Variants in TPST1 observed in about 807,000 individuals in gnomAD.
The protein encoded by TPST1 is protein-tyrosine sulfotransferase 1.
Under a neutral mutation model 34.8 loss-of-function variants are expected in TPST1, and 20 were observed. The observed-to-expected ratio is 0.57, with a 90% CI of 0.40 to 0.84. TPST1 has a LOEUF of 0.84. TPST1 is among the 40% of genes least tolerant of loss of function. The pLI, the probability that TPST1 is intolerant of heterozygous loss-of-function variation, is 0.00. For missense variants in TPST1, 353 were observed against 455.5 expected (o/e 0.78, Z 2.05); for synonymous variants, 152 against 159.4 (o/e 0.95, Z 0.35).
At chr7:66,319,883 C>G (rs1413100200) in intron 3 of TPST1, among the ~76,000 whole-genome samples, 1 of 152,146 alleles carries the variant, frequency 6.6e-6, no homozygotes, top group African/African-American at 2.4e-5. Flanking sequence ...ATTTTTCTTT[C>G]CAGGGAGGCA....
chr7:66,255,870 G>C (rs76105961), intron 2 of TPST1, among the ~76,000 whole-genome samples: 1 of 151,772 alleles, frequency 6.6e-6, no homozygotes, highest in African/African-American at 2.4e-5. Flanking sequence ...CTAGATTTAA[G>C]TAAGAATGTG....
chr7:66,286,497 T>G lies in TPST1; in HGVS notation c.846-14T>G. On this transcript the variant is annotated splice_polypyrimidine_tract_variant and intron_variant, in intron 2 of 5. Transcript: ENST00000304842. Reference sequence around the variant, plus strand: ...ATTTTAAATAAATATTTATTCATATTATGTTGTTTTCAGAGTGGAGAGATC... The same window carrying G: ...ATTTTAAATAAATATTTATTCATATGATGTTGTTTTCAGAGTGGAGAGATC... 2.0e-6 allele frequency: 3 copies of G among 1,534,662 alleles called. No homozygotes were observed. The highest frequency in any genetic ancestry group is 2.6e-6 in the Non-Finnish European group (3 of 1,141,410).
chr7:66,200,062 A>AC, the TPST1 span, among the ~76,000 whole-genome samples: 1 of 151,658 alleles, frequency 6.6e-6, no homozygotes, highest in Non-Finnish European at 1.5e-5. Context: ...CAATCCAACA[A>AC]CCCCCAAAGG....
At chr7:66,265,917 G>C (rs1210243443) in intron 2 of TPST1, among the ~76,000 whole-genome samples, 3 of 152,154 alleles carry the variant, frequency 2.0e-5, no homozygotes, top group Non-Finnish European at 4.4e-5. Context: ...AGAAATGAAA[G>C]AGAAAGAAGA....
At chr7:66,314,919 G>A (rs1450247680) in intron 3 of TPST1, among the ~76,000 whole-genome samples, 1 of 152,212 alleles carries the variant, frequency 6.6e-6, no homozygotes, top group African/African-American at 2.4e-5. Flanking sequence ...GCACATGGCT[G>A]TATCTTGCTT....
At chr7:66,359,729 C>A (rs1360902656) in intron 5 of TPST1, among the ~76,000 whole-genome samples, 166 bp from the exon 6 acceptor site, 11 of 152,176 alleles carry the variant, frequency 7.2e-5, no homozygotes, top group Admixed American at 7.2e-4. Flanking sequence ...AGGCAGTCTT[C>A]CTGAGGCAGC....
At chr7:66,278,797 CAA>C (rs74352232) in intron 2 of TPST1, among the ~76,000 whole-genome samples, 2 of 122,474 alleles carry the variant, frequency 1.6e-5, no homozygotes. Context: ...GATTCCGTCT[CAA>C]AAAAAAAAAA....
chr7:66,229,556 C>T (rs1467832845), intron 1 of TPST1, among the ~76,000 whole-genome samples: 1 of 152,172 alleles, frequency 6.6e-6, no homozygotes, highest in Non-Finnish European at 1.5e-5. Context: ...TGGATAATTT[C>T]CAGATTTTGG....
intron 3 of TPST1, among the ~76,000 whole-genome samples, chr7:66,319,250 A>G (rs985908019): frequency 6.6e-6 from 1 of 152,108 alleles, no homozygotes; most frequent in Non-Finnish European, 1.5e-5. Flanking sequence ...CAACTCTTTC[A>G]TGTTTTCTGC....
intron 1 of TPST1, among the ~76,000 whole-genome samples, chr7:66,222,310 C>T (rs540328791): frequency 1.5e-3 from 228 of 151,272 alleles, no homozygotes; most frequent in Non-Finnish European, 1.9e-3. Flanking sequence ...GCATGAACCC[C>T]GGGAGGTGGA....
intron 2 of TPST1, among the ~76,000 whole-genome samples, chr7:66,251,586 C>T (rs557187509): frequency 6.6e-6 from 1 of 152,278 alleles, no homozygotes; most frequent in Admixed American, 6.5e-5. Context: ...AAAGTAAGCA[C>T]CCGATTTGAA....
chr7:66,353,531 C>T (rs1231800359), intron 4 of TPST1, among the ~76,000 whole-genome samples: 3 of 152,210 alleles, frequency 2.0e-5, no homozygotes, highest in Non-Finnish European at 4.4e-5. Flanking sequence ...CACTGACTTG[C>T]ATTCCAATCC....
At chr7:66,299,922 A>C (rs1359787128) in intron 3 of TPST1, among the ~76,000 whole-genome samples, 1 of 152,238 alleles carries the variant, frequency 6.6e-6, no homozygotes, top group African/African-American at 2.4e-5. Context: ...AAATAAAGTG[A>C]ATATCCCAAT....
chr7:66,305,108 C>T (rs978744608), intron 3 of TPST1, among the ~76,000 whole-genome samples: 3 of 152,074 alleles, frequency 2.0e-5, no homozygotes, highest in Admixed American at 1.3e-4. Context: ...CATGAACCAC[C>T]GTGCCCAGCC....
At chr7:66,236,747 A>T (rs1171510303) in intron 1 of TPST1, among the ~76,000 whole-genome samples, 1 of 152,210 alleles carries the variant, frequency 6.6e-6, no homozygotes, top group Non-Finnish European at 1.5e-5. Flanking sequence ...AGGTTTTGGA[A>T]GTTCACATAC....
intron 3 of TPST1, among the ~76,000 whole-genome samples, chr7:66,335,144 C>T (rs891343520): frequency 1.3e-5 from 2 of 152,080 alleles, no homozygotes; most frequent in African/African-American, 4.8e-5. Flanking sequence ...GGAACCTTCC[C>T]GTGGCCCAGA....
At chr7:66,357,861 A>G (rs1399515216) in intron 5 of TPST1, among the ~76,000 whole-genome samples, 3 of 152,162 alleles carry the variant, frequency 2.0e-5, no homozygotes, top group Admixed American at 1.3e-4. Flanking sequence ...CAAGGTGGGC[A>G]GATCACAAGG....
At chr7:66,256,715 C>T (rs1053564613) in intron 2 of TPST1, among the ~76,000 whole-genome samples, 1 of 152,138 alleles carries the variant, frequency 6.6e-6, no homozygotes, top group Admixed American at 6.5e-5. Flanking sequence ...ATCAAGTAGA[C>T]GGGATTACAC....
chr7:66,328,858 C>T (rs892751324), intron 3 of TPST1, among the ~76,000 whole-genome samples: 1 of 43,676 alleles, frequency 2.3e-5, no homozygotes, highest in East Asian at 5.0e-4. Flanking sequence ...CTCTCTCTCC[C>T]GCTCTCTCTC....
Sources: allele counts gnomAD v4.1 joint callset (sites outside exome capture counted in the v4.1 genomes callset), GRCh38; gene constraint gnomAD v4.1.1; transcripts MANE v1.5; gene names NCBI Gene and HGNC (gene_info 2026-07-23, HGNC 2026-07-21).